FLT1: variants seen among roughly 807,000 people sequenced by gnomAD.
The protein encoded by FLT1 is vascular endothelial growth factor receptor 1.
In FLT1, 49 loss-of-function variants were observed where a neutral mutation model predicts 156.3. The ratio of observed to expected loss-of-function variants is 0.31; its 90% CI spans 0.25 to 0.40. The LOEUF is 0.40. FLT1 is among the 10% of genes least tolerant of loss of function. The pLI is 1.00. For missense variants in FLT1, 1,322 were observed against 1,637.2 expected (o/e 0.81, Z 3.32); for synonymous variants, 594 against 583.8 (o/e 1.02, Z -0.25).
At chr13:28,419,276 A>G (rs1716437001) in intron 10 of FLT1, among the ~76,000 whole-genome samples, 1 of 152,212 alleles carries the variant, frequency 6.6e-6, no homozygotes, top group African/African-American at 2.4e-5. Flanking sequence ...AAAGTCACAT[A>G]GATACCATAT....
chr13:28,322,894 T>G lies in FLT1; in HGVS notation c.2849A>C (p.Glu950Ala). 6.2e-7 allele frequency: 1 copy of G among 1,614,186 alleles called. No individual in the cohort carries two copies. The highest frequency in any genetic ancestry group is 1.1e-5 in the South Asian group (1 of 91,084). Reference sequence around the variant, plus strand: ...ATCTAGTCTTGGTTTCTTGCCTTGTTCCAGGCCTGGCTCCATTTTTTCTTT... The same window carrying G: ...ATCTAGTCTTGGTTTCTTGCCTTGTGCCAGGCCTGGCTCCATTTTTTCTTT... ...PKKEKMEPGL[E>A]QGKKPRLDSV... The change falls in exon 21 of 30, where the codon GAA (glutamate) becomes GCA (alanine). Residue 950 changes from glutamate (E) to alanine (A), a missense_variant. This residue lies in a region of FLT1 where 991 missense variants were observed against 1,254.8 expected (regional missense o/e 0.79). Coordinates refer to ENST00000282397, the MANE Select transcript of FLT1 (RefSeq NM_002019.4). This position sits in a 1 kb window ranked among gnomAD's most constrained non-coding sequence, Gnocchi z 4.3.
At position 28,303,227 on chromosome 13, in the gene FLT1, C is replaced by G. The variant is rs146247905; in HGVS notation, c.3957G>C (p.Ala1319=). ...YDHAELERKI[A]CCSPPPDYNS... is the part of the protein sequence containing the mutation. Reference sequence around the variant, plus strand: ...TGTAGTCTGGGGGCGGGGAGCAGCACGCGATTTTCCTTTCCAGCTCAGCGT... The same window carrying G: ...TGTAGTCTGGGGGCGGGGAGCAGCAGGCGATTTTCCTTTCCAGCTCAGCGT... Residue 1319 remains alanine, a synonymous_variant, in exon 30 of 30, where the codon GCG becomes GCC. Coordinates refer to ENST00000282397, the MANE Select transcript of FLT1 (RefSeq NM_002019.4). 2 of 1,613,620 alleles carry G rather than the reference C, an allele frequency of 1.2e-6. No individual in the cohort carries two copies. The highest frequency in any genetic ancestry group is 1.7e-5 in the Admixed American group (1 of 59,996).
intron 19 of FLT1, among the ~76,000 whole-genome samples, chr13:28,328,960 T>C (rs927222114): frequency 6.6e-6 from 1 of 152,148 alleles, no homozygotes; most frequent in Non-Finnish European, 1.5e-5. Context: ...TCTAACCACC[T>C]CCGCCCCTAG....
chr13:28,488,076 G>A (rs370208487), intron 1 of FLT1, among the ~76,000 whole-genome samples: 3 of 151,822 alleles, frequency 2.0e-5, no homozygotes, highest in Non-Finnish European at 2.9e-5. Flanking sequence ...AGTCACACAC[G>A]TCAAAGTTCA....
chr13:28,404,043 CA>C (rs67298705), intron 11 of FLT1, among the ~76,000 whole-genome samples: 59,864 of 139,574 alleles, frequency 0.43, 12,547 homozygotes, highest in African/African-American at 0.54. Flanking sequence ...CTCTTTGTCT[CA>C]AAAAAAAAAA....
At chr13:28,376,679 T>G (rs1873852424) in intron 14 of FLT1, among the ~76,000 whole-genome samples, 1 of 152,234 alleles carries the variant, frequency 6.6e-6, no homozygotes, top group African/African-American at 2.4e-5. Context: ...AGTGCCACTG[T>G]GAAGAGGGTT....
chr13:28,322,816 C>T lies in FLT1; in HGVS notation c.2927G>A (p.Ser976Asn). 1 of 1,614,128 alleles carries T rather than the reference C, an allele frequency of 6.2e-7. No homozygotes were observed. Among genetic ancestry groups the T allele is most frequent in the Non-Finnish European group, 8.5e-7 (1 of 1,180,030 alleles). ...CTCCTCTTCCTCAACATCACTCAGA[C>T]TTTTATCTTCCTGAAAGCCGGAGCT... The part of the protein sequence containing the change: ...FASSGFQEDK[S>N]LSDVEEEEDS... The change falls in exon 21 of 30, where the codon AGT (serine) becomes AAT (asparagine). Residue 976 changes from serine to asparagine, a missense_variant. Transcript: ENST00000282397. The surrounding 1 kb of genome is among the most constrained non-coding windows in gnomAD (Gnocchi z 4.3).
intron 1 of FLT1, among the ~76,000 whole-genome samples, chr13:28,477,317 T>G (rs1251604752): frequency 6.6e-6 from 1 of 152,146 alleles, no homozygotes. Context: ...ACATCAGAGT[T>G]AATTAAGGTT....
chr13:28,374,580 T>A (rs1269639828), intron 14 of FLT1, among the ~76,000 whole-genome samples: 1 of 151,774 alleles, frequency 6.6e-6, no homozygotes, highest in Non-Finnish European at 1.5e-5. Flanking sequence ...GGCGCGATCT[T>A]GGCTCACTGC....
At chr13:28,404,115 AT>A (rs1297512597) in intron 11 of FLT1, among the ~76,000 whole-genome samples, 11 of 152,282 alleles carry the variant, frequency 7.2e-5, no homozygotes, top group African/African-American at 2.6e-4. Context: ...TCCTCTAAGT[AT>A]TTCATTAAAC....
rs1362559107 is a variant in FLT1, at chr13:28,438,310, T to C, written c.424A>G (p.Ile142Val). ...TCAGTCATGTGTATAATTTCGGGGA[T>C]TTCACTGTACATCTCTACGAAAGGT... ...GRPFVEMYSE[I>V]PEIIHMTEGR... The change falls in exon 4 of 30, where the codon ATC becomes GTC. Residue 142 changes from isoleucine (I) to valine (V), a missense_variant. Physicochemically the swap from Ile to Val is conservative, Grantham distance 29. This residue lies in a region of FLT1 where 991 missense variants were observed against 1,254.8 expected (regional missense o/e 0.79). Coordinates refer to ENST00000282397, the MANE Select transcript of FLT1 (RefSeq NM_002019.4). 6.2e-7 allele frequency: 1 copy of C among 1,612,200 alleles called. No individual in the cohort carries two copies. Among genetic ancestry groups the C allele is most frequent in the Admixed American group, 1.7e-5 (1 of 60,014 alleles).
intron 14 of FLT1, among the ~76,000 whole-genome samples, chr13:28,361,697 A>C (rs1243392443): frequency 6.6e-6 from 1 of 152,246 alleles, no homozygotes; most frequent in Non-Finnish European, 1.5e-5. Flanking sequence ...AAAAATTAAA[A>C]ACACAAAACT....
intron 14 of FLT1, among the ~76,000 whole-genome samples, chr13:28,376,165 C>G (rs558748609): frequency 1.3e-5 from 2 of 152,146 alleles, no homozygotes; most frequent in Non-Finnish European, 2.9e-5. Flanking sequence ...ATGGTGCCTA[C>G]AGATGCAGAC....
rs557471952 is a variant in FLT1 at position 28,322,088 on chromosome 13, C to T, written c.3051+174G>A. Among the ~76,000 whole-genome samples, 66 of 152,322 alleles carry T rather than the reference C, an allele frequency of 4.3e-4. No homozygotes were observed. Among genetic ancestry groups the T allele is most frequent in the African/African-American group, 1.5e-3 (64 of 41,584 alleles). ...GAATTAAGTTCTATCCACTGGTATC[C>T]ATGACTCCTCATTCTCAAAACTCCT... On this transcript the variant is annotated intron_variant, in intron 22 of 29. Coordinates refer to ENST00000282397, the MANE Select transcript of FLT1 (RefSeq NM_002019.4). This position sits in a 1 kb window ranked among gnomAD's most constrained non-coding sequence, Gnocchi z 4.3.
At chr13:28,345,267 C>G (rs1872521890) in intron 16 of FLT1, among the ~76,000 whole-genome samples, 178 bp downstream of exon 16, 2 of 152,166 alleles carry the variant, frequency 1.3e-5, no homozygotes, top group South Asian at 2.1e-4. Flanking sequence ...AACACCCCCC[C>G]TTGTGGCTAG....
intron 1 of FLT1, among the ~76,000 whole-genome samples, chr13:28,486,748 G>C (rs1881191692): frequency 6.6e-6 from 1 of 152,166 alleles, no homozygotes; most frequent in Non-Finnish European, 1.5e-5. Context: ...ATTCTTTCTT[G>C]CACACTCTAC....
rs567652072 is a variant in FLT1 at position 28,482,209 on chromosome 13, T to A, written c.64+12571A>T. Among the ~76,000 whole-genome samples the A allele has an allele frequency of 4.7e-4, 72 of 152,176 alleles. 1 individual carries two copies. The highest frequency in any genetic ancestry group is 1.7e-3 in the African/African-American group (69 of 41,532). On this transcript the variant is annotated intron_variant, in intron 1 of 29. Transcript: ENST00000282397. The stretch of plus-strand genomic sequence containing the variant: ...TGGCTCACGCCTGTAATCCCAACAC[T>A]CTGGGAGGCCAAGGCGGGTGGGAGT...
At chr13:28,386,455 A>C in intron 13 of FLT1, 4 of 1,046,148 alleles carry the variant, frequency 3.8e-6, no homozygotes, top group Non-Finnish European at 4.6e-6. Context: ...AAAAAATGAA[A>C]TCTGAAGGCA....
intron 23 of FLT1, 85 bp from the exon 24 acceptor site, chr13:28,319,619 A>G: frequency 1.3e-6 from 1 of 762,642 alleles, no homozygotes; most frequent in East Asian, 2.6e-5. Context: ...CACCTCCCAG[A>G]TAACATACGG....
Sources: gnomAD v4.1 joint callset for allele counts (sites outside exome capture counted in the v4.1 genomes callset) on GRCh38, gnomAD v4.1.1 for gene constraint, gnomAD v4.1.1 regional missense constraint, Gnocchi (gnomAD v3.1) non-coding constraint, MANE v1.5 for transcripts, NCBI Gene and HGNC (gene_info 2026-07-23, HGNC 2026-07-21) for gene names.